Variants in PPARGC1A observed in about 807,000 individuals in gnomAD.
PPARGC1A encodes the protein peroxisome proliferator-activated receptor gamma coactivator 1-alpha.
PPARGC1A carries 25 observed loss-of-function variants against 88.7 expected under a neutral mutation model. The ratio of observed to expected loss-of-function variants is 0.28; its 90% CI spans 0.21 to 0.39. PPARGC1A has a LOEUF of 0.39. PPARGC1A is among the 10% of genes least tolerant of loss of function. The probability of loss-of-function intolerance (pLI) is 1.00; values close to 1 mark genes in which losing one functional copy is unlikely to be tolerated. For missense variants in PPARGC1A, 880 were observed against 968.7 expected (o/e 0.91, Z 1.22); for synonymous variants, 363 against 355.6 (o/e 1.02, Z -0.24).
intron 7 of PPARGC1A, among the ~76,000 whole-genome samples, chr4:23,816,222 T>C (rs1577378164): frequency 6.6e-6 from 1 of 152,114 alleles, no homozygotes; most frequent in Non-Finnish European, 1.5e-5. Context: ...ACTCCACTCA[T>C]GGTCACACCT....
chr4:24,413,039 T>G, the PPARGC1A span, among the ~76,000 whole-genome samples: 36 of 152,194 alleles, frequency 2.4e-4, no homozygotes, highest in Non-Finnish European at 4.4e-4. Flanking sequence ...GAAAATATAT[T>G]CAAAGGCAGT....
chr4:24,459,369 C>A, the PPARGC1A span, among the ~76,000 whole-genome samples: 2 of 150,982 alleles, frequency 1.3e-5, no homozygotes, highest in Admixed American at 6.6e-5. Flanking sequence ...AAGATTATTT[C>A]TCTGGTCACA....
chr4:24,330,302 A>G, the PPARGC1A span, among the ~76,000 whole-genome samples: 1 of 152,134 alleles, frequency 6.6e-6, no homozygotes, highest in Non-Finnish European at 1.5e-5. Flanking sequence ...CGGAATGGTC[A>G]CTCTGGGGGA....
At chr4:24,148,598 C>T in the PPARGC1A span, among the ~76,000 whole-genome samples, 4 of 152,202 alleles carry the variant, frequency 2.6e-5, no homozygotes, top group African/African-American at 9.6e-5. Flanking sequence ...AGCACATCAA[C>T]ATGAGCCATA....
the PPARGC1A span, among the ~76,000 whole-genome samples, chr4:24,111,597 G>A: frequency 6.6e-6 from 1 of 152,070 alleles, no homozygotes; most frequent in Non-Finnish European, 1.5e-5. Context: ...TTAGCTCCGT[G>A]GTGTCAAGGT....
the PPARGC1A span, among the ~76,000 whole-genome samples, chr4:24,068,167 G>A: frequency 1.3e-5 from 2 of 149,258 alleles, no homozygotes; most frequent in African/African-American, 5.0e-5. Context: ...GGTGGACAGA[G>A]GAATAAAGAG....
At chr4:23,921,824 A>G in the PPARGC1A span, among the ~76,000 whole-genome samples, 1 of 152,230 alleles carries the variant, frequency 6.6e-6, no homozygotes, top group East Asian at 1.9e-4. Context: ...TCTGTGGTTT[A>G]AAAGGAAACA....
chr4:24,159,251 G>A, the PPARGC1A span, among the ~76,000 whole-genome samples: 1 of 114,108 alleles, frequency 8.8e-6, no homozygotes, highest in Non-Finnish European at 1.6e-5. Flanking sequence ...TCGCTCTGTT[G>A]CCAGGCTGGA....
chr4:24,274,814 T>C, the PPARGC1A span, among the ~76,000 whole-genome samples: 1 of 152,198 alleles, frequency 6.6e-6, no homozygotes, highest in Non-Finnish European at 1.5e-5. Flanking sequence ...ATCTACATTT[T>C]TTTTTAAATT....
chr4:24,196,348 T>C, the PPARGC1A span, among the ~76,000 whole-genome samples: 1 of 152,256 alleles, frequency 6.6e-6, no homozygotes, highest in Non-Finnish European at 1.5e-5. Flanking sequence ...GCCCACCTTT[T>C]ATTGGAGAGC....
At chr4:24,428,124 CAA>C in the PPARGC1A span, among the ~76,000 whole-genome samples, 10 of 136,860 alleles carry the variant, frequency 7.3e-5, no homozygotes, top group Non-Finnish European at 8.0e-5. Flanking sequence ...ACCCTGTCTC[CAA>C]AAAAAAAAAA....
intron 1 of PPARGC1A, chr4:23,889,167 C>T (rs1717410595): frequency 2.0e-6 from 2 of 985,240 alleles, no homozygotes; most frequent in African/African-American, 3.5e-5. Flanking sequence ...GCGAGCAGCT[C>T]CACACACAGT....
At chr4:24,159,566 A>C in the PPARGC1A span, among the ~76,000 whole-genome samples, 1 of 152,172 alleles carries the variant, frequency 6.6e-6, no homozygotes, top group East Asian at 1.9e-4. Flanking sequence ...CCCATGATTT[A>C]ATCCAGATCT....
chr4:24,089,667 C>A, the PPARGC1A span, among the ~76,000 whole-genome samples: 1 of 151,986 alleles, frequency 6.6e-6, no homozygotes, highest in Non-Finnish European at 1.5e-5. Context: ...CCCGCCGCCA[C>A]GCCCGGCTAA....
chr4:24,086,442 C>A, the PPARGC1A span, among the ~76,000 whole-genome samples: 3 of 152,176 alleles, frequency 2.0e-5, no homozygotes, highest in African/African-American at 7.2e-5. Flanking sequence ...TCTCTTTTGC[C>A]TTGAATTGTC....
the PPARGC1A span, among the ~76,000 whole-genome samples, chr4:24,332,519 C>A: frequency 6.6e-6 from 1 of 152,096 alleles, no homozygotes; most frequent in African/African-American, 2.4e-5. Context: ...AGGAACAAAC[C>A]AATGAATTAA....
the PPARGC1A span, among the ~76,000 whole-genome samples, chr4:24,219,722 T>C: frequency 6.6e-6 from 1 of 152,260 alleles, no homozygotes; most frequent in African/African-American, 2.4e-5. Context: ...GTTTGGATAT[T>C]TGATGATCAG....
chr4:24,128,673 TCTTA>T, the PPARGC1A span, among the ~76,000 whole-genome samples: 1 of 152,062 alleles, frequency 6.6e-6, no homozygotes, highest in South Asian at 2.1e-4. Flanking sequence ...TACCTTTATT[TCTTA>T]AAATTTTCCA....
At chr4:23,914,675 A>C in the PPARGC1A span, among the ~76,000 whole-genome samples, 1 of 151,722 alleles carries the variant, frequency 6.6e-6, no homozygotes. Context: ...TCAAAATTGT[A>C]TTTAAAAACA....
Sources: allele counts gnomAD v4.1 joint callset (sites outside exome capture counted in the v4.1 genomes callset), GRCh38; gene constraint gnomAD v4.1.1; transcripts MANE v1.5; gene names NCBI Gene and HGNC (gene_info 2026-07-23, HGNC 2026-07-21).